Variants in CNTNAP2 observed in about 807,000 individuals in gnomAD.
The protein encoded by CNTNAP2 is contactin associated protein 2.
Under a neutral mutation model 155.2 loss-of-function variants are expected in CNTNAP2, and 98 were observed. The observed-to-expected ratio is 0.63, with a 90% CI of 0.54 to 0.75. The LOEUF (loss-of-function observed/expected upper bound fraction) is 0.75, where lower values mean the gene tolerates loss of function less well. Among genes scored for constraint, CNTNAP2 ranks in the 30% least tolerant of loss-of-function variants. The pLI is 0.00. For missense variants in CNTNAP2, 1,727 were observed against 1,688.1 expected, an observed-to-expected ratio of 1.02 and a Z score of -0.40; for synonymous variants, 651 against 631.2, an observed-to-expected ratio of 1.03 and a Z score of -0.47.
intron 13 of CNTNAP2, among the ~76,000 whole-genome samples, chr7:147,659,595 T>C (rs1795581963): frequency 1.3e-5 from 2 of 152,168 alleles, no homozygotes; most frequent in South Asian, 4.1e-4. Flanking sequence ...TATCATGTAA[T>C]AATACAAAGG....
chr7:146,353,126 A>T (rs1021028577), intron 1 of CNTNAP2, among the ~76,000 whole-genome samples: 1 of 152,132 alleles, frequency 6.6e-6, no homozygotes, highest in African/African-American at 2.4e-5. Context: ...TATGGTTTTA[A>T]TTTTTCTTGT....
rs549008204 is a variant in CNTNAP2, at chr7:146,999,862, T to A, written c.403-44045T>A. Among the ~76,000 whole-genome samples, 5 of 152,218 alleles carry A rather than the reference T, an allele frequency of 3.3e-5. 1 individual carries two copies. Among genetic ancestry groups the A allele is most frequent in the African/African-American group, 1.2e-4 (5 of 41,566 alleles). ...AGTATAACTTGAGGGTAATCTTTTT[T>A]AAATTAAATCAGAATGAAGACTTTT... On this transcript the variant is annotated intron_variant, in intron 3 of 23. Coordinates refer to ENST00000361727, the MANE Select transcript of CNTNAP2 (RefSeq NM_014141.6).
At chr7:148,307,363 A>G (rs979886308) in intron 21 of CNTNAP2, among the ~76,000 whole-genome samples, 9 of 151,958 alleles carry the variant, frequency 5.9e-5, no homozygotes, top group African/African-American at 2.2e-4. Flanking sequence ...TCCAGTGGAA[A>G]CTCTTGCCAT....
intron 1 of CNTNAP2, among the ~76,000 whole-genome samples, chr7:146,763,075 A>G (rs1041502911): frequency 1.3e-5 from 2 of 152,070 alleles, no homozygotes; most frequent in Admixed American, 1.3e-4. Context: ...CTGCTAAACC[A>G]TATCGATCCC....
intron 1 of CNTNAP2, among the ~76,000 whole-genome samples, chr7:146,463,750 T>G (rs1276586163): frequency 6.6e-6 from 1 of 152,120 alleles, no homozygotes; most frequent in Non-Finnish European, 1.5e-5. Flanking sequence ...ACTTAAAATA[T>G]TTTGACAAAA....
intron 11 of CNTNAP2, among the ~76,000 whole-genome samples, chr7:147,546,628 C>T (rs1418248766): frequency 6.6e-6 from 1 of 152,154 alleles, no homozygotes. Flanking sequence ...GTTAAATACT[C>T]AATATGATTT....
At chr7:148,240,207 A>T (rs373420483) in intron 20 of CNTNAP2, among the ~76,000 whole-genome samples, 27 of 152,306 alleles carry the variant, frequency 1.8e-4, no homozygotes, top group African/African-American at 6.5e-4. Flanking sequence ...GATAATGATG[A>T]GTTGGTGGAA....
chr7:147,726,571 C>A (rs192832817), intron 13 of CNTNAP2, among the ~76,000 whole-genome samples: 54 of 152,096 alleles, frequency 3.6e-4, no homozygotes, highest in Non-Finnish European at 3.4e-4. Flanking sequence ...CTGCAGACAT[C>A]TGGGCAGCAG....
At chr7:147,079,336 C>T (rs1335133177) in intron 4 of CNTNAP2, among the ~76,000 whole-genome samples, 1 of 152,002 alleles carries the variant, frequency 6.6e-6, no homozygotes, top group Non-Finnish European at 1.5e-5. Context: ...CTACCTGCCA[C>T]CACACCACGG....
At chr7:147,839,255 G>A (rs1798684993) in intron 13 of CNTNAP2, among the ~76,000 whole-genome samples, 1 of 152,036 alleles carries the variant, frequency 6.6e-6, no homozygotes, top group Admixed American at 6.6e-5. Context: ...GTCTCCTTTG[G>A]CAGCACCCTC....
At position 147,879,288 on chromosome 7, in the gene CNTNAP2, G is replaced by A. The variant is rs531600786; in HGVS notation, c.2099-24277G>A. Among the ~76,000 whole-genome samples the A allele has an allele frequency of 3.9e-5, 6 of 152,260 alleles. No individual in the cohort carries two copies. The South Asian group carries it at 1.2e-3, about 32-fold the overall frequency. ...CTGCCATCTGGACTTTGACGACGAA[G>A]GCATCATTTACACAGGGCTGGCATT... On this transcript the variant is annotated intron_variant, in intron 13 of 23. Transcript: ENST00000361727.
At chr7:147,260,336 A>T (rs1804430626) in intron 8 of CNTNAP2, among the ~76,000 whole-genome samples, 2 of 152,220 alleles carry the variant, frequency 1.3e-5, no homozygotes, top group South Asian at 4.1e-4. Flanking sequence ...TCAGGTCTCT[A>T]AGATACATTT....
At chr7:146,947,825 G>C (rs1406499087) in intron 3 of CNTNAP2, among the ~76,000 whole-genome samples, 1 of 151,654 alleles carries the variant, frequency 6.6e-6, no homozygotes, top group African/African-American at 2.4e-5. Context: ...AGGATCACTT[G>C]AACCTATTAC....
chr7:147,148,175 G>C (rs990347745), intron 8 of CNTNAP2, among the ~76,000 whole-genome samples: 1 of 151,942 alleles, frequency 6.6e-6, no homozygotes, highest in Non-Finnish European at 1.5e-5. Flanking sequence ...CGGATCATGA[G>C]GTCAGGAGAT....
chr7:147,329,144 C>CCA (rs992226036), intron 9 of CNTNAP2, among the ~76,000 whole-genome samples: 4 of 150,778 alleles, frequency 2.7e-5, no homozygotes, highest in Admixed American at 6.6e-5. Flanking sequence ...GAGCACCCCC[C>CCA]CACACACACA....
chr7:147,077,485 G>T (rs141071719), intron 4 of CNTNAP2, among the ~76,000 whole-genome samples: 1 of 152,080 alleles, frequency 6.6e-6, no homozygotes, highest in African/African-American at 2.4e-5. Flanking sequence ...TTAGGTAGAC[G>T]CAAGATCCCC....
intron 1 of CNTNAP2, among the ~76,000 whole-genome samples, chr7:146,682,180 A>C (rs61231420): frequency 0.091 from 13,789 of 152,128 alleles, 905 homozygotes; most frequent in African/African-American, 0.18. Flanking sequence ...TTAATTAATT[A>C]GAGTGACCTA....
At chr7:147,802,145 G>C (rs201703337) in intron 13 of CNTNAP2, among the ~76,000 whole-genome samples, 1 of 145,940 alleles carries the variant, frequency 6.9e-6, no homozygotes, top group Non-Finnish European at 1.5e-5. Context: ...ACGGGGTCGC[G>C]GCCGGGCAGA....
At chr7:147,165,949 A>G (rs1057214735) in intron 8 of CNTNAP2, among the ~76,000 whole-genome samples, 2 of 152,200 alleles carry the variant, frequency 1.3e-5, no homozygotes, top group African/African-American at 2.4e-5. Flanking sequence ...AACTAGTACA[A>G]CCACTATGGA....
Sources: allele counts gnomAD v4.1 joint callset (sites outside exome capture counted in the v4.1 genomes callset), GRCh38; gene constraint gnomAD v4.1.1; transcripts MANE v1.5; gene names NCBI Gene and HGNC (gene_info 2026-07-23, HGNC 2026-07-21).